The following ZCCHC9 variants were observed in gnomAD, a reference collection of about 807,000 sequenced individuals.
The protein encoded by ZCCHC9 is zinc finger CCHC-type containing 9, also known as zinc finger CCHC domain-containing protein 9.
A neutral mutation model predicts 30.8 loss-of-function variants in ZCCHC9; 18 were observed. That is an observed-to-expected ratio of 0.58 (90% CI 0.40 to 0.87). The LOEUF (loss-of-function observed/expected upper bound fraction) is 0.87, where lower values mean the gene tolerates loss of function less well. Ranked by LOEUF, ZCCHC9 falls within the 40% of genes least tolerant of loss-of-function variation. ZCCHC9 has a pLI of 0.00. For synonymous variants in ZCCHC9, 94 were observed against 106.7 expected (o/e 0.88, Z 0.73); for missense variants, 279 against 331.2 (o/e 0.84, Z 1.22).
chr5:81,312,565 G>A lies in ZCCHC9; in HGVS notation c.719G>A (p.Arg240His), dbSNP rs750338409. Reference protein sequence around the residue: ...QNSERMVTVGRWAKGMSADYE... With the variant: ...QNSERMVTVGHWAKGMSADYE... The stretch of plus-strand genomic sequence containing the variant: ...ACAGAGCGAATGGTCACAGTTGGTC[G>A]CTGGGCAAAGGGAATGAGTGCAGAC... Residue 240 changes from arginine (R) to histidine (H), a missense_variant, in exon 6 of 6, where the codon CGC (arginine) becomes CAC (histidine). Transcript: ENST00000407610. The A allele has an allele frequency of 1.7e-5, 27 of 1,613,342 alleles. No individual in the cohort carries two copies. Among genetic ancestry groups the A allele is most frequent in the Non-Finnish European group, 1.8e-5 (21 of 1,179,668 alleles).
chr5:81,303,543 A>C (rs1355483950), intron 1 of ZCCHC9: 1 of 158,304 alleles, frequency 6.3e-6, no homozygotes, highest in African/African-American at 2.4e-5. Context: ...ATCTTGTCCT[A>C]CTGGAAGGTT....
In ZCCHC9 at chr5:81,305,044, G is replaced by A. The variant is rs368566549; in HGVS notation, c.287G>A (p.Ser96Asn). The change falls in exon 2 of 6, where the codon AGT becomes AAT. Residue 96 changes from serine to asparagine, a missense_variant. Ser to Asn is a conservative substitution (Grantham distance 46). Transcript: ENST00000407610. Reference sequence around the variant, plus strand: ...AATGGGCAAATTATAGCAACAGACAGTGAGGAAGTAAGGGAAGAAATTGCA... The same window carrying A: ...AATGGGCAAATTATAGCAACAGACAATGAGGAAGTAAGGGAAGAAATTGCA... The part of the protein sequence containing the change: ...VHNGQIIATD[S>N]EEVREEIAVA... 73 of 1,613,974 alleles carry A rather than the reference G, an allele frequency of 4.5e-5. No individual in the cohort carries two copies. The highest frequency in any genetic ancestry group is 5.6e-5 in the Non-Finnish European group (66 of 1,180,022).
Position 81,304,852 on chromosome 5 carries a change from C to G in ZCCHC9, c.95C>G (p.Thr32Arg). 6.2e-7 allele frequency: 1 copy of G among 1,614,080 alleles called. No homozygotes were observed. The highest frequency in any genetic ancestry group is 8.5e-7 in the Non-Finnish European group (1 of 1,180,038). Residue 32 changes from threonine to arginine, a missense_variant, in exon 2 of 6, where the codon ACA becomes AGA. Thr to Arg is a moderately conservative substitution (Grantham distance 71, BLOSUM62 -1). Transcript: ENST00000407610. ...ATGAAGAAGGGATCCTTTGAGGGAA[C>G]AAGCCAAAACCTACCAAAGCGTAAA... ...EDMKKGSFEG[T>R]SQNLPKRKQL...
At chr5:81,309,248 G>A in intron 4 of ZCCHC9, 1 of 427,848 alleles carries the variant, frequency 2.3e-6, no homozygotes, top group South Asian at 5.6e-5. Context: ...AAAAACTAAG[G>A]TGTATATTTC....
intron 2 of ZCCHC9, 69 bp downstream of exon 2, chr5:81,305,210 T>C: frequency 6.6e-7 from 1 of 1,515,604 alleles, no homozygotes; most frequent in Non-Finnish European, 8.8e-7. Flanking sequence ...TTCACACACA[T>C]ATATACCTTA....
intron 1 of ZCCHC9, 86 bp from the exon 2 acceptor site, chr5:81,304,655 C>A: frequency 1.7e-6 from 2 of 1,201,030 alleles, no homozygotes; most frequent in Non-Finnish European, 2.3e-6. Flanking sequence ...GCATATGTGA[C>A]ATATAGTGAT....
chr5:81,309,917 A>G (rs1758221887), intron 4 of ZCCHC9, among the ~76,000 whole-genome samples: 1 of 152,184 alleles, frequency 6.6e-6, no homozygotes, highest in Non-Finnish European at 1.5e-5. Context: ...GGTATGTGCA[A>G]TAATGATACA....
Position 81,312,610 on chromosome 5 carries a change from T to C in ZCCHC9, c.764T>C (p.Val255Ala). ...GCAGACTATGAAGAAATTTTGGATG[T>C]ACCTAAACCGCAAAAACCCAAAACA... Reference protein sequence around the residue: ...MSADYEEILDVPKPQKPKTKI... With the variant: ...MSADYEEILDAPKPQKPKTKI... Residue 255 changes from valine to alanine, a missense_variant, in exon 6 of 6, where the codon GTA (valine) becomes GCA (alanine). Coordinates refer to ENST00000407610, the MANE Select transcript of ZCCHC9 (RefSeq NM_001131035.2). 1 of 1,614,006 alleles carries C rather than the reference T, an allele frequency of 6.2e-7. No homozygotes were observed. The highest frequency in any genetic ancestry group is 8.5e-7 in the Non-Finnish European group (1 of 1,179,856).
intron 2 of ZCCHC9, among the ~76,000 whole-genome samples, chr5:81,308,022 A>AACTATCTATCT (rs34237879): frequency 4.4e-5 from 3 of 68,360 alleles, no homozygotes; most frequent in Admixed American, 2.4e-4. Flanking sequence ...AAAAAAAAAA[A>AACTATCTATCT]ATCTATCTAT....
chr5:81,308,495 TAAC>T, intron 2 of ZCCHC9, 63 bp from the exon 3 acceptor site: 1 of 1,438,784 alleles, frequency 7.0e-7, no homozygotes, highest in Non-Finnish European at 9.2e-7. Flanking sequence ...ATGTTTTTGA[TAAC>T]AAGAATTAAT....
At chr5:81,307,386 G>C (rs2112872045) in intron 2 of ZCCHC9, among the ~76,000 whole-genome samples, 1 of 152,322 alleles carries the variant, frequency 6.6e-6, no homozygotes, top group South Asian at 2.1e-4. Flanking sequence ...GTATGGCTGG[G>C]TGTGGTGGCT....
At chr5:81,303,433 CT>C (rs1176809291) in intron 1 of ZCCHC9, 2 of 152,204 alleles carry the variant, frequency 1.3e-5, no homozygotes, top group Non-Finnish European at 2.9e-5. Context: ...TATTCTATAG[CT>C]TTTTCCTGTA....
rs1580486873 is a variant in ZCCHC9, at chr5:81,301,641, A to C, written c.-75A>C. 6.6e-6 allele frequency: 1 copy of C among 152,338 alleles called. No individual in the cohort carries two copies. Among genetic ancestry groups the C allele is most frequent in the East Asian group, 1.9e-4 (1 of 5,208 alleles). The allele number at this position is 152,338 out of a possible 1,614,324, so 9.4% of individuals were successfully genotyped here. A position where few individuals can be genotyped will look rare whatever the true frequency, so the allele number is the denominator to read the frequency against. On this transcript the variant is annotated 5_prime_UTR_variant, in exon 1 of 6. Transcript: ENST00000407610. ...GGAGGGCGGTCTTCCCCGGCTCGCC[A>C]ACTCGGCTGCTCTGGGGGATTCGTG...
Position 81,312,814 on chromosome 5 carries a change from G to A in ZCCHC9, c.*152G>A, listed in dbSNP as rs146249074. ...GGCCAAAAACAATTTTCTTTATTCT[G>A]TCTATCAAATAGTACTTCTACCACT... On this transcript the variant is annotated 3_prime_UTR_variant, in exon 6 of 6. Transcript: ENST00000407610. 21 of 549,982 alleles carry A rather than the reference G, an allele frequency of 3.8e-5. No individual in the cohort carries two copies. In the East Asian group the frequency reaches 5.7e-4, roughly 15 times the overall value. The allele number at this position is 549,982 out of a possible 1,614,324, so 34.1% of individuals were successfully genotyped here. A position where few individuals can be genotyped will look rare whatever the true frequency, so the allele number is the denominator to read the frequency against.
chr5:81,308,501 GAATT>G, intron 2 of ZCCHC9, 56 bp from the exon 3 acceptor site: 1 of 1,459,186 alleles, frequency 6.9e-7, no homozygotes, highest in Non-Finnish European at 9.1e-7. Context: ...TTGATAACAA[GAATT>G]AATAAAGTCA....
In ZCCHC9 at chr5:81,308,971, T is replaced by C. The variant is rs1758181149; in HGVS notation, c.561T>C (p.Phe187=). The C allele has an allele frequency of 1.9e-6, 3 of 1,613,494 alleles. No homozygotes were observed. Among genetic ancestry groups the C allele is most frequent in the African/African-American group, 2.7e-5 (2 of 75,036 alleles). Residue 187 remains phenylalanine, a synonymous_variant, in exon 4 of 6, where the codon TTT becomes TTC. Transcript: ENST00000407610. ...GCGAATTTCCTTTTGCAAAATGTTT[T>C]GTTTGTGGAGAAATGGGGCACCTGT... ...ALGEFPFAKC[F]VCGEMGHLSR...
At chr5:81,309,674 T>C (rs540885135) in intron 4 of ZCCHC9, among the ~76,000 whole-genome samples, 1 of 152,332 alleles carries the variant, frequency 6.6e-6, no homozygotes, top group East Asian at 1.9e-4. Context: ...AGCATAGCTT[T>C]TGGAGTTGGT....
chr5:81,308,880 A>C, intron 3 of ZCCHC9, 66 bp from the exon 4 acceptor site: 1 of 1,458,038 alleles, frequency 6.9e-7, no homozygotes, highest in South Asian at 1.3e-5. Context: ...AGTATTTTAA[A>C]ATAATGTTAA....
chr5:81,309,482 A>G (rs1758202665), intron 4 of ZCCHC9, among the ~76,000 whole-genome samples: 2 of 152,196 alleles, frequency 1.3e-5, no homozygotes, highest in Admixed American at 1.3e-4. Context: ...TTTGTCTGGT[A>G]TGGGATCATG....
Sources: allele counts gnomAD v4.1 joint callset (sites outside exome capture counted in the v4.1 genomes callset), GRCh38; gene constraint gnomAD v4.1.1; transcripts MANE v1.5; gene names NCBI Gene and HGNC (gene_info 2026-07-23, HGNC 2026-07-21).